Variants in SEC22A observed in about 807,000 individuals in gnomAD.
SEC22A encodes vesicle-trafficking protein SEC22a.
Under a neutral mutation model 35.3 loss-of-function variants are expected in SEC22A, and 22 were observed. The observed-to-expected ratio is 0.62, with a 90% CI of 0.45 to 0.89. The LOEUF (loss-of-function observed/expected upper bound fraction) is 0.89. Ranked by LOEUF, SEC22A falls within the 40% of genes least tolerant of loss-of-function variation. The probability of loss-of-function intolerance (pLI) is 0.00; values close to 1 mark genes in which losing one functional copy is unlikely to be tolerated. For synonymous variants in SEC22A, 119 were observed against 129.5 expected (o/e 0.92, Z 0.55); for missense variants, 354 against 362.5 (o/e 0.98, Z 0.19).
intron 1 of SEC22A, among the ~76,000 whole-genome samples, chr3:123,202,370 C>T (rs1255805422): frequency 6.6e-6 from 1 of 152,180 alleles, no homozygotes; most frequent in African/African-American, 2.4e-5. Context: ...GTCAGAAACA[C>T]GGTGATCTAC....
At chr3:123,209,676 T>A (rs1048993248) in intron 2 of SEC22A, among the ~76,000 whole-genome samples, 1 of 152,182 alleles carries the variant, frequency 6.6e-6, no homozygotes, top group African/African-American at 2.4e-5. Flanking sequence ...ATACCTAGGG[T>A]TGTAGTAAGC....
At chr3:123,248,778 CT>C (rs1937587029) in intron 5 of SEC22A, among the ~76,000 whole-genome samples, 1 of 152,202 alleles carries the variant, frequency 6.6e-6, no homozygotes, top group South Asian at 2.1e-4. Flanking sequence ...GAAAAACAGG[CT>C]GTTTGCTTCT....
chr3:123,251,989 C>A (rs956013862), intron 5 of SEC22A, among the ~76,000 whole-genome samples: 4 of 152,096 alleles, frequency 2.6e-5, no homozygotes, highest in African/African-American at 9.7e-5. Flanking sequence ...TGTAAATGGA[C>A]ACAATGATAA....
At chr3:123,203,053 CTTTTTTTTTTTTTTTT>C (rs779433710) in intron 1 of SEC22A, among the ~76,000 whole-genome samples, 2,498 of 44,094 alleles carry the variant, frequency 0.057, 78 homozygotes, top group Middle Eastern at 0.15. Context: ...TGTTTAGTGC[CTTTTTTTTTTTTTTTT>C]TTTTTTTTTT....
intron 5 of SEC22A, among the ~76,000 whole-genome samples, chr3:123,253,523 C>CCAAGAGACCAGCCTGGG (rs1414173074): frequency 6.6e-6 from 1 of 151,970 alleles, no homozygotes; most frequent in Non-Finnish European, 1.5e-5. Context: ...ACCAGCCTGG[C>CCAAGAGACCAGCCTGGG]CAATGTGGTG....
chr3:123,245,946 A>G lies in SEC22A; in HGVS notation c.589A>G (p.Ile197Val). 1 of 1,613,270 alleles carries G rather than the reference A, an allele frequency of 6.2e-7. No individual in the cohort carries two copies. The highest frequency in any genetic ancestry group is 8.5e-7 in the Non-Finnish European group (1 of 1,179,330). Residue 197 changes from isoleucine (I) to valine (V), a missense_variant, in exon 5 of 7, where the codon ATC becomes GTC. Transcript: ENST00000492595. ...AACTCTGTCAGGGATTGTAGGATTT[A>G]TCCTTAGTCTTTTATGTGGAGCTCT... Reference protein sequence around the residue: ...PATLSGIVGFILSLLCGALNL... With the variant: ...PATLSGIVGFVLSLLCGALNL...
intron 2 of SEC22A, among the ~76,000 whole-genome samples, chr3:123,210,080 G>A (rs1223363838): frequency 6.6e-6 from 1 of 152,240 alleles, no homozygotes; most frequent in Admixed American, 6.5e-5. Flanking sequence ...TATGTAGTGA[G>A]TTTGGAGTCT....
intron 6 of SEC22A, among the ~76,000 whole-genome samples, chr3:123,264,176 C>T (rs902971829): frequency 6.6e-6 from 1 of 152,084 alleles, no homozygotes; most frequent in African/African-American, 2.4e-5. Context: ...CCACAAAGCT[C>T]TAGGGTTACA....
intron 6 of SEC22A, among the ~76,000 whole-genome samples, chr3:123,260,300 T>G (rs1937860657): frequency 6.6e-6 from 1 of 152,094 alleles, no homozygotes; most frequent in Admixed American, 6.6e-5. Flanking sequence ...AGGATTCAAT[T>G]TAGCAGTAAT....
chr3:123,213,538 C>T lies in SEC22A; in HGVS notation c.182+4139C>T, dbSNP rs1347949444. 2.6e-5 allele frequency among the ~76,000 whole-genome samples: 4 copies of T among 152,314 alleles called. No individual in the cohort carries two copies. In the South Asian group the frequency reaches 8.3e-4, roughly 32 times the overall value. On this transcript the variant is annotated intron_variant, in intron 2 of 6. Transcript: ENST00000492595. ...CTATTTTATGTCTCTAATGATCTCA[C>T]TCCTTTCACAGATCACCTGTAGAAC...
intron 2 of SEC22A, among the ~76,000 whole-genome samples, chr3:123,217,830 T>C (rs1937059754): frequency 6.6e-6 from 1 of 152,018 alleles, no homozygotes; most frequent in Non-Finnish European, 1.5e-5. Flanking sequence ...CCAGTAGTAG[T>C]ATGGTAAGCT....
intron 2 of SEC22A, among the ~76,000 whole-genome samples, chr3:123,210,541 A>AG (rs1243954106): frequency 6.6e-6 from 1 of 152,224 alleles, no homozygotes; most frequent in African/African-American, 2.4e-5. Context: ...GGGCACTGCT[A>AG]GGTAAGCAGC....
At chr3:123,227,098 T>C (rs563109381) in intron 4 of SEC22A, among the ~76,000 whole-genome samples, 2 of 152,326 alleles carry the variant, frequency 1.3e-5, no homozygotes, top group East Asian at 3.9e-4. Context: ...GAAGGAATAC[T>C]ATCGTCAACA....
intron 2 of SEC22A, among the ~76,000 whole-genome samples, chr3:123,219,505 G>A (rs576756417): frequency 3.3e-4 from 50 of 152,266 alleles, no homozygotes; most frequent in African/African-American, 1.1e-3. Flanking sequence ...GCTTCTTAAT[G>A]GTGTGTGACC....
intron 2 of SEC22A, 91 bp downstream of exon 2, chr3:123,209,490 G>A: frequency 1.0e-6 from 1 of 1,004,298 alleles, no homozygotes; most frequent in Non-Finnish European, 1.5e-6. Flanking sequence ...GGAGTGATTA[G>A]GAAAACCTGT....
At chr3:123,269,897 G>C (rs1201081745) in intron 6 of SEC22A, among the ~76,000 whole-genome samples, 4 of 151,704 alleles carry the variant, frequency 2.6e-5, no homozygotes, top group Admixed American at 1.3e-4. Context: ...CTCCCAAAGT[G>C]CTGGGATTAC....
At chr3:123,245,749 A>T in intron 4 of SEC22A, 150 bp from the exon 5 acceptor site, 1 of 527,250 alleles carries the variant, frequency 1.9e-6, no homozygotes, top group Middle Eastern at 5.2e-4. Flanking sequence ...TTCATTTTAT[A>T]ACAGTATTTA....
chr3:123,246,329 A>C (rs1937566249), intron 5 of SEC22A, among the ~76,000 whole-genome samples: 1 of 152,176 alleles, frequency 6.6e-6, no homozygotes, highest in African/African-American at 2.4e-5. Context: ...TGCCAAATAC[A>C]CAGAGTTGGG....
chr3:123,265,999 A>C (rs1178868140), intron 6 of SEC22A, among the ~76,000 whole-genome samples: 2 of 152,328 alleles, frequency 1.3e-5, no homozygotes, highest in South Asian at 2.1e-4. Flanking sequence ...TATTCAAATT[A>C]TGTTTCATGT....
Sources: allele counts gnomAD v4.1 joint callset (sites outside exome capture counted in the v4.1 genomes callset), GRCh38; gene constraint gnomAD v4.1.1; transcripts MANE v1.5; gene names NCBI Gene and HGNC (gene_info 2026-07-23, HGNC 2026-07-21).